TENM2: variants seen among roughly 807,000 people sequenced by gnomAD.
TENM2 encodes the protein teneurin transmembrane protein 2, also known as teneurin-2.
In TENM2, 52 loss-of-function variants were observed where a neutral mutation model predicts 245.2. That is an observed-to-expected ratio of 0.21 (90% CI 0.17 to 0.27). The LOEUF (loss-of-function observed/expected upper bound fraction) is 0.27, where lower values mean the gene tolerates loss of function less well. TENM2 is among the 10% of genes least tolerant of loss of function. TENM2 has a pLI of 1.00. For missense variants in TENM2, 3,046 were observed against 3,666.8 expected (o/e 0.83, Z 4.37); for synonymous variants, 1,363 against 1,438.9 (o/e 0.95, Z 1.19).
chr5:166,981,526 C>T, the TENM2 span, among the ~76,000 whole-genome samples: 6 of 152,154 alleles, frequency 3.9e-5, no homozygotes, highest in Non-Finnish European at 8.8e-5. Context: ...CAATATACCC[C>T]ATGCTGGGCA....
chr5:167,496,031 G>C (rs964063697), intron 2 of TENM2, among the ~76,000 whole-genome samples: 1 of 151,930 alleles, frequency 6.6e-6, no homozygotes, highest in African/African-American at 2.4e-5. Flanking sequence ...TGCAAGCAAA[G>C]GAAAGGCAGC....
intron 1 of TENM2, among the ~76,000 whole-genome samples, chr5:167,352,280 A>G (rs1479590952): frequency 6.6e-6 from 1 of 152,194 alleles, no homozygotes; most frequent in Non-Finnish European, 1.5e-5. Context: ...ATTGCCTTCT[A>G]CAATGGCTGA....
chr5:168,226,127 C>T (rs753480308), exon 24 of TENM2: 1 of 1,613,774 alleles, frequency 6.2e-7, no homozygotes, highest in East Asian at 2.2e-5. Context: ...TGACGCGCCC[C>T]ACGGGGGTGG....
chr5:168,229,581 T>TAAAC (rs1247990394), intron 25 of TENM2: 2 of 151,694 alleles, frequency 1.3e-5, no homozygotes, highest in African/African-American at 4.9e-5. Context: ...AGGAAGTCAG[T>TAAAC]AAACAATGGA....
At chr5:167,117,458 G>A in the TENM2 span, among the ~76,000 whole-genome samples, 3,668 of 152,036 alleles carry the variant, frequency 0.024, 149 homozygotes, top group African/African-American at 0.084. Context: ...AGCCAAGATC[G>A]CACCCCTGCA....
the TENM2 span, among the ~76,000 whole-genome samples, chr5:167,126,177 C>A: frequency 2.6e-5 from 4 of 152,064 alleles, no homozygotes; most frequent in Non-Finnish European, 2.9e-5. Context: ...GATATAAGAA[C>A]TTGAGCCATC....
At chr5:167,909,412 A>T (rs1235077191) in intron 3 of TENM2, among the ~76,000 whole-genome samples, 1 of 152,038 alleles carries the variant, frequency 6.6e-6, no homozygotes, top group East Asian at 1.9e-4. Flanking sequence ...CTGTGCATGT[A>T]CCCCCTAAAT....
chr5:167,212,124 G>A, the TENM2 span, among the ~76,000 whole-genome samples: 3 of 152,104 alleles, frequency 2.0e-5, no homozygotes, highest in African/African-American at 7.2e-5. Context: ...TTTTAGCTTT[G>A]TGGCTTCTCA....
intron 1 of TENM2, chr5:167,309,858 C>T (rs1025966307): frequency 6.6e-6 from 1 of 152,152 alleles, no homozygotes; most frequent in Non-Finnish European, 1.5e-5. Flanking sequence ...GCCAAGGCTT[C>T]CCGGAGACCC....
chr5:167,900,143 G>T (rs11743868), intron 3 of TENM2, among the ~76,000 whole-genome samples: 28,804 of 126,310 alleles, frequency 0.23, 3,249 homozygotes, highest in East Asian at 0.43. Flanking sequence ...AGGGGGGGGG[G>T]GTTTTGGAAA....
chr5:167,070,300 T>TG, the TENM2 span, among the ~76,000 whole-genome samples: 2 of 143,544 alleles, frequency 1.4e-5, no homozygotes, highest in Non-Finnish European at 3.0e-5. Context: ...TTTTTTTTTT[T>TG]TTGTATTTTT....
the TENM2 span, among the ~76,000 whole-genome samples, chr5:167,118,922 A>G: frequency 6.6e-6 from 1 of 152,186 alleles, no homozygotes; most frequent in Admixed American, 6.5e-5. Flanking sequence ...AAGGCAGAAA[A>G]AGCTGACAAA....
At chr5:167,380,213 T>C (rs1339590858) in intron 2 of TENM2, among the ~76,000 whole-genome samples, 2 of 152,124 alleles carry the variant, frequency 1.3e-5, no homozygotes, top group Non-Finnish European at 2.9e-5. Context: ...AGAAAACTTA[T>C]TTTTAAAAAG....
intron 1 of TENM2, among the ~76,000 whole-genome samples, chr5:167,358,242 C>T (rs977528993): frequency 2.0e-5 from 3 of 152,166 alleles, no homozygotes; most frequent in African/African-American, 7.2e-5. Flanking sequence ...AAACACAATC[C>T]AATCAGACTT....
chr5:167,701,859 T>C (rs1253653725), intron 2 of TENM2, among the ~76,000 whole-genome samples: 1 of 152,224 alleles, frequency 6.6e-6, no homozygotes, highest in African/African-American at 2.4e-5. Context: ...CCTTTCCTTA[T>C]TGATATTTAT....
At chr5:168,260,021 G>A (rs1768040545) in intron 27 of TENM2, among the ~76,000 whole-genome samples, 1 of 152,180 alleles carries the variant, frequency 6.6e-6, no homozygotes, top group Admixed American at 6.5e-5. Context: ...CAGGGGATTC[G>A]AAGCTAGATC....
chr5:167,353,593 C>A (rs1169997328), intron 1 of TENM2, among the ~76,000 whole-genome samples: 1 of 144,466 alleles, frequency 6.9e-6, no homozygotes, highest in Non-Finnish European at 1.5e-5. Context: ...CTGCAAGCTC[C>A]GCCTCCCGGG....
intron 1 of TENM2, among the ~76,000 whole-genome samples, chr5:167,342,413 G>A (rs978989118): frequency 6.6e-6 from 1 of 151,214 alleles, no homozygotes; most frequent in Non-Finnish European, 1.5e-5. Flanking sequence ...TCATATCAAG[G>A]GTACATTCTG....
chr5:167,047,407 G>A, the TENM2 span, among the ~76,000 whole-genome samples: 68 of 149,610 alleles, frequency 4.5e-4, no homozygotes, highest in Non-Finnish European at 8.4e-4. Flanking sequence ...AATTTATAAT[G>A]TGAGAATTAC....
Sources: gnomAD v4.1 joint callset for allele counts (sites outside exome capture counted in the v4.1 genomes callset) on GRCh38, gnomAD v4.1.1 for gene constraint, MANE v1.5 for transcripts, NCBI Gene and HGNC (gene_info 2026-07-23, HGNC 2026-07-21) for gene names.